Variants in INO80E observed in about 807,000 individuals in gnomAD.
INO80E encodes coiled-coil domain containing 95.
In INO80E, 20 loss-of-function variants were observed where a neutral mutation model predicts 27.3. The ratio of observed to expected loss-of-function variants is 0.73; its 90% CI spans 0.51 to 1.06. The LOEUF (loss-of-function observed/expected upper bound fraction) is 1.06. Among genes scored for constraint, INO80E ranks in the 50% least tolerant of loss-of-function variants. The pLI, the probability that INO80E is intolerant of heterozygous loss-of-function variation, is 0.00. For missense variants in INO80E, 357 were observed against 322.8 expected (o/e 1.11, Z -0.81); for synonymous variants, 167 against 145.9 (o/e 1.14, Z -1.04).
In INO80E at chr16:29,996,536, C is replaced by T. The variant is rs952834157; in HGVS notation, c.82-11C>T. On this transcript the variant is annotated splice_polypyrimidine_tract_variant and intron_variant, in intron 1 of 6. Transcript: ENST00000563197. ...ACCGTTGGCCCAGCGCACCCCTTGCCCGTGATACAGGAGCACGAGTGCTTC... is the reference window on the plus strand; with the variant it reads ...ACCGTTGGCCCAGCGCACCCCTTGCTCGTGATACAGGAGCACGAGTGCTTC... 2 of 1,560,952 alleles carry T rather than the reference C, an allele frequency of 1.3e-6. No homozygotes were observed. Among genetic ancestry groups the T allele is most frequent in the Non-Finnish European group, 1.7e-6 (2 of 1,152,392 alleles).
chr16:29,996,856 T>G lies in INO80E; in HGVS notation c.201T>G (p.Ser67=), dbSNP rs368841674. ...LLQYENVDED[S]SDSDATASSD... Reference sequence around the variant, plus strand: ...AGTACGAGAACGTGGATGAAGACTCTTCGGGTGAGCAAGGTCTTCAAAAAT... The same window carrying G: ...AGTACGAGAACGTGGATGAAGACTCGTCGGGTGAGCAAGGTCTTCAAAAAT... The change falls in exon 3 of 7, where the codon TCT becomes TCG. Residue 67 remains serine, a synonymous_variant. Coordinates refer to ENST00000563197, the MANE Select transcript of INO80E (RefSeq NM_173618.3). The G allele has an allele frequency of 6.2e-7, 1 of 1,614,038 alleles. No individual in the cohort carries two copies. The highest frequency in any genetic ancestry group is 1.3e-5 in the African/African-American group (1 of 74,952).
chr16:29,996,411 G>A lies in INO80E; in HGVS notation c.81+20G>A. On this transcript the variant is annotated intron_variant, in intron 1 of 6. Transcript: ENST00000563197. ...ATCTACGTGAGTGCTGCCGCGGGAA[G>A]GCTGTGGGGGATGAGGCCTGGCGCG... 5 of 1,575,722 alleles carry A rather than the reference G, an allele frequency of 3.2e-6. No homozygotes were observed. The South Asian group carries it at 4.6e-5, about 15-fold the overall frequency.
At chr16:30,001,759 C>T in intron 6 of INO80E, 2 of 498,756 alleles carry the variant, frequency 4.0e-6, no homozygotes, top group Non-Finnish European at 3.6e-6. Flanking sequence ...GCCAGGGATC[C>T]CGCCCTTTCA....
In INO80E at chr16:29,996,402, C is replaced by T. The variant is rs1323780566; in HGVS notation, c.81+11C>T. ...AAGTTCCTCATCTACGTGAGTGCTGCCGCGGGAAGGCTGTGGGGGATGAGG... is the reference window on the plus strand; with the variant it reads ...AAGTTCCTCATCTACGTGAGTGCTGTCGCGGGAAGGCTGTGGGGGATGAGG... On this transcript the variant is annotated intron_variant, in intron 1 of 6. Coordinates refer to ENST00000563197, the MANE Select transcript of INO80E (RefSeq NM_173618.3). The T allele has an allele frequency of 5.1e-6, 8 of 1,581,314 alleles. No homozygotes were observed. The South Asian group carries it at 8.0e-5, about 16-fold the overall frequency.
In INO80E at chr16:30,005,280, T is replaced by A. The variant is rs922131023; in HGVS notation, c.573T>A (p.Gly191=). 1.4e-6 allele frequency: 2 copies of A among 1,465,540 alleles called. No homozygotes were observed. The highest frequency in any genetic ancestry group is 1.8e-6 in the Non-Finnish European group (2 of 1,109,076). 90.8% of individuals were successfully genotyped at this position (1,465,540 alleles called of 1,614,324 possible). A position where few individuals can be genotyped will look rare whatever the true frequency, so the allele number is the denominator to read the frequency against. The change falls in exon 7 of 7, where the codon GGT becomes GGA. Residue 191 remains glycine, a synonymous_variant. Transcript: ENST00000563197. ...VGGPLTFPGR[G]SGAGVGTTLT... ...GGCCGCTGACCTTCCCTGGCCGGGGTTCTGGGGCTGGGGTCGGGACAACCC... is the reference window on the plus strand; with the variant it reads ...GGCCGCTGACCTTCCCTGGCCGGGGATCTGGGGCTGGGGTCGGGACAACCC...
chr16:29,999,471 C>T (rs1325821096), intron 3 of INO80E: 2 of 152,250 alleles, frequency 1.3e-5, no homozygotes, highest in East Asian at 1.9e-4. Context: ...GCAGCCATGA[C>T]GAGAGTAGAG....
Position 30,005,308 on chromosome 16 carries a change from A to AT in INO80E, c.601_602insT (p.Thr201IlefsTer7). 10 of 521,332 alleles carry AT rather than the reference A, an allele frequency of 1.9e-5. No homozygotes were observed. The highest frequency in any genetic ancestry group is 8.1e-5 in the South Asian group (3 of 37,004). 32.3% of individuals were successfully genotyped at this position (521,332 alleles called of 1,614,324 possible). The stretch of plus-strand genomic sequence containing the variant: ...TGGGGCTGGGGTCGGGACAACCCTG[A>AT]CCCCCCTCCCACCCCCTAAGATGCC... On this transcript the variant is annotated frameshift_variant, in exon 7 of 7. Coordinates refer to ENST00000563197, the MANE Select transcript of INO80E (RefSeq NM_173618.3). LOFTEE classifies it high-confidence loss of function.
At position 30,005,307 on chromosome 16, in the gene INO80E, G is replaced by GGCC; in HGVS notation, c.600_601insGCC (p.Leu200_Thr201insAla). On this transcript the variant is annotated inframe_insertion, in exon 7 of 7. Coordinates refer to ENST00000563197, the MANE Select transcript of INO80E (RefSeq NM_173618.3). ...CTGGGGCTGGGGTCGGGACAACCCTGACCCCCCTCCCACCCCCTAAGATGC... is the reference window on the plus strand; with the variant it reads ...CTGGGGCTGGGGTCGGGACAACCCTGGCCACCCCCCTCCCACCCCCTAAGATGC... 1 of 1,387,162 alleles carries GGCC rather than the reference G, an allele frequency of 7.2e-7. No individual in the cohort carries two copies. The highest frequency in any genetic ancestry group is 9.4e-7 in the Non-Finnish European group (1 of 1,068,432). 85.9% of individuals were successfully genotyped at this position (1,387,162 alleles called of 1,614,324 possible).
intron 3 of INO80E, among the ~76,000 whole-genome samples, chr16:30,000,180 G>C (rs775890346): frequency 6.6e-6 from 1 of 152,124 alleles, no homozygotes; most frequent in Non-Finnish European, 1.5e-5. Context: ...GACAAGGAGA[G>C]GTGGTGAGTG....
In INO80E at chr16:29,996,818, G is replaced by C. The variant is rs927989456; in HGVS notation, c.163G>C (p.Asp55His). ...KVSRDKSFLLDRLLQYENVDE... is the reference protein window; with the variant it reads ...KVSRDKSFLLHRLLQYENVDE... The stretch of plus-strand genomic sequence containing the variant: ...CTTCCCTCCCCTCAGTTTCCTCCTA[G>C]ACCGACTTCTGCAGTACGAGAACGT... Residue 55 changes from aspartate (D) to histidine (H), a missense_variant, in exon 3 of 7, where the codon GAC (aspartate) becomes CAC (histidine). By Grantham distance (81) the Asp-to-His change is moderately conservative. Transcript: ENST00000563197. 10 of 1,614,142 alleles carry C rather than the reference G, an allele frequency of 6.2e-6. No individual in the cohort carries two copies. Among genetic ancestry groups the C allele is most frequent in the Non-Finnish European group, 8.5e-6 (10 of 1,180,006 alleles).
At chr16:29,997,294 G>A (rs2070164926) in intron 3 of INO80E, among the ~76,000 whole-genome samples, 1 of 152,164 alleles carries the variant, frequency 6.6e-6, no homozygotes, top group African/African-American at 2.4e-5. Flanking sequence ...AATCTTTGAA[G>A]CACCTACTGA....
At position 30,005,563 on chromosome 16, in the gene INO80E, C is replaced by G. The variant is rs2070548197; in HGVS notation, c.*121C>G. 1.0e-6 allele frequency: 1 copy of G among 991,296 alleles called. No individual in the cohort carries two copies. The highest frequency in any genetic ancestry group is 1.5e-6 in the Non-Finnish European group (1 of 660,520). The allele number at this position is 991,296 out of a possible 1,614,324, so 61.4% of individuals were successfully genotyped here. A position where few individuals can be genotyped will look rare whatever the true frequency, so the allele number is the denominator to read the frequency against. ...CCAGCTGCCATGCTCCGGCCACTGA[C>G]ACAACCAGAAAAGGCGTAAACATGC... On this transcript the variant is annotated 3_prime_UTR_variant, in exon 7 of 7. Transcript: ENST00000563197.
chr16:30,005,304 C>A lies in INO80E; in HGVS notation c.597C>A (p.Thr199=). The A allele has an allele frequency of 6.9e-7, 1 of 1,449,024 alleles. No individual in the cohort carries two copies. Among genetic ancestry groups the A allele is most frequent in the Admixed American group, 3.3e-5 (1 of 30,766 alleles). 89.8% of individuals were successfully genotyped at this position (1,449,024 alleles called of 1,614,324 possible). A position where few individuals can be genotyped will look rare whatever the true frequency, so the allele number is the denominator to read the frequency against. Residue 199 remains threonine (T), a synonymous_variant, in exon 7 of 7, where the codon ACC becomes ACA. Transcript: ENST00000563197. ...GRGSGAGVGT[T]LTPLPPPKMP... ...GTTCTGGGGCTGGGGTCGGGACAAC[C>A]CTGACCCCCCTCCCACCCCCTAAGA...
At chr16:30,001,602 G>A (rs764869711) in intron 6 of INO80E, 72 bp downstream of exon 6, 106 of 1,422,890 alleles carry the variant, frequency 7.4e-5, no homozygotes, top group Middle Eastern at 4.0e-4. Context: ...GGCTGAAGGC[G>A]GGGGCCTGTC....
chr16:30,001,601 C>T lies in INO80E; in HGVS notation c.513+71C>T, dbSNP rs11866084. 0.074 allele frequency: 106,368 copies of T among 1,429,194 alleles called. 5,589 individuals carry two copies. The highest frequency in any genetic ancestry group is 0.26 in the African/African-American group (18,373 of 70,938). 88.5% of individuals were successfully genotyped at this position (1,429,194 alleles called of 1,614,324 possible). A position where few individuals can be genotyped will look rare whatever the true frequency, so the allele number is the denominator to read the frequency against. Reference sequence around the variant, plus strand: ...ACAGTCACCTGAGGGAGGCTGAAGGCGGGGGCCTGTCAGAGAACCATGAAC... The same window carrying T: ...ACAGTCACCTGAGGGAGGCTGAAGGTGGGGGCCTGTCAGAGAACCATGAAC... On this transcript the variant is annotated intron_variant, in intron 6 of 6. Coordinates refer to ENST00000563197, the MANE Select transcript of INO80E (RefSeq NM_173618.3).
intron 1 of INO80E, 59 bp downstream of exon 1, chr16:29,996,450 T>C: frequency 6.4e-7 from 1 of 1,552,900 alleles, no homozygotes; most frequent in South Asian, 1.2e-5. Flanking sequence ...AAGATCTCAG[T>C]TTACCCAGGT....
At chr16:30,001,073 G>A (rs1349567658) in intron 5 of INO80E, 33 bp downstream of exon 5, 1 of 1,518,122 alleles carries the variant, frequency 6.6e-7, no homozygotes, top group Non-Finnish European at 8.9e-7. Context: ...AAGTGCTTGG[G>A]AGTAAGGTGG....
At chr16:30,001,145 G>A (rs188287519) in intron 5 of INO80E, 105 bp downstream of exon 5, 33 of 1,474,332 alleles carry the variant, frequency 2.2e-5, no homozygotes, top group Non-Finnish European at 2.5e-5. Flanking sequence ...GGGGACATCT[G>A]TCTGGGTGTG....
At position 29,996,594 on chromosome 16, in the gene INO80E, A is replaced by C. The variant is rs2070125139; in HGVS notation, c.129A>C (p.Leu43Phe). The C allele has an allele frequency of 6.3e-7, 1 of 1,578,642 alleles. No homozygotes were observed. Among genetic ancestry groups the C allele is most frequent in the African/African-American group, 1.3e-5 (1 of 74,212 alleles). The change falls in exon 2 of 7, where the codon TTA (leucine) becomes TTC (phenylalanine). Residue 43 changes from leucine to phenylalanine, a missense_variant. Transcript: ENST00000563197. ...AGCTGAGGAAAGCGCAAAGGAAATT[A>C]CTGAAGGTGTCCCGGGACAAGAGGT... ...QEELRKAQRK[L>F]LKVSRDKSFL... is the part of the protein sequence containing the mutation.
Sources: allele counts gnomAD v4.1 joint callset (sites outside exome capture counted in the v4.1 genomes callset), GRCh38; gene constraint gnomAD v4.1.1; transcripts MANE v1.5; gene names NCBI Gene and HGNC (gene_info 2026-07-23, HGNC 2026-07-21).